Variants in PDE10A observed in about 807,000 individuals in gnomAD.
PDE10A encodes cAMP and cAMP-inhibited cGMP 3',5'-cyclic phosphodiesterase 10A.
A neutral mutation model predicts 97.7 loss-of-function variants in PDE10A; 39 were observed. That is an observed-to-expected ratio of 0.40 (90% CI 0.31 to 0.52). The LOEUF (loss-of-function observed/expected upper bound fraction) is 0.52. Ranked by LOEUF, PDE10A falls within the 20% of genes least tolerant of loss-of-function variation. The probability of loss-of-function intolerance (pLI) is 0.56; values close to 1 mark genes in which losing one functional copy is unlikely to be tolerated. For synonymous variants in PDE10A, 371 were observed against 376.8 expected (o/e 0.98, Z 0.18); for missense variants, 731 against 1,047.8 (o/e 0.70, Z 4.17).
intron 1 of PDE10A, among the ~76,000 whole-genome samples, chr6:165,896,326 A>G (rs1353250245): frequency 6.6e-6 from 1 of 151,434 alleles, no homozygotes; most frequent in African/African-American, 2.4e-5. Context: ...CACCTAGCAC[A>G]CTGCTTTATA....
At chr6:165,373,142 G>A in intron 18 of PDE10A, among the ~76,000 whole-genome samples, 2 of 150,880 alleles carry the variant, frequency 1.3e-5, no homozygotes, top group African/African-American at 4.9e-5. Context: ...GAAAACCTAG[G>A]CATTACCATT....
At chr6:165,688,053 C>G (rs1791170238) in intron 1 of PDE10A, among the ~76,000 whole-genome samples, 1 of 152,214 alleles carries the variant, frequency 6.6e-6, no homozygotes, top group Non-Finnish European at 1.5e-5. Context: ...ATGGAGGGAC[C>G]ACGTGGTGTT....
intron 3 of PDE10A, among the ~76,000 whole-genome samples, chr6:165,480,678 T>C (rs1779554582): frequency 1.3e-5 from 2 of 152,302 alleles, no homozygotes; most frequent in Non-Finnish European, 1.5e-5. Flanking sequence ...CCAGCACCTT[T>C]AGTGGAACTA....
intron 13 of PDE10A, among the ~76,000 whole-genome samples, chr6:165,408,213 G>A (rs1205387143): frequency 1.3e-5 from 2 of 152,064 alleles, no homozygotes; most frequent in Non-Finnish European, 2.9e-5. Flanking sequence ...TGACAATAAC[G>A]GTCAACAATT....
intron 3 of PDE10A, among the ~76,000 whole-genome samples, chr6:165,464,014 C>A (rs2128262298): frequency 6.6e-6 from 1 of 152,302 alleles, no homozygotes; most frequent in South Asian, 2.1e-4. Context: ...TAATGACTGG[C>A]TTGCTGTTAA....
intron 2 of PDE10A, among the ~76,000 whole-genome samples, chr6:165,498,904 T>A (rs1435277420): frequency 6.6e-6 from 1 of 152,160 alleles, no homozygotes; most frequent in Admixed American, 6.5e-5. Flanking sequence ...AAGGAAAAAT[T>A]AAAATAGCAG....
intron 18 of PDE10A, among the ~76,000 whole-genome samples, chr6:165,373,554 T>C (rs1296469565): frequency 6.6e-6 from 1 of 152,180 alleles, no homozygotes; most frequent in African/African-American, 2.4e-5. Context: ...CCAGTTAGAA[T>C]GGCAATCATC....
intron 1 of PDE10A, among the ~76,000 whole-genome samples, chr6:165,623,508 GA>G (rs66934063): frequency 5.9e-5 from 9 of 151,318 alleles, no homozygotes; most frequent in Admixed American, 2.0e-4. Flanking sequence ...GAGAGAGAGA[GA>G]AAAAAAACAG....
rs184597294 is a variant in PDE10A at position 165,790,871 on chromosome 6, G to T, written c.-615+196658C>A. Among the ~76,000 whole-genome samples the T allele has an allele frequency of 2.0e-5, 3 of 152,280 alleles. No homozygotes were observed. In the East Asian group the frequency reaches 5.8e-4, roughly 29 times the overall value. On this transcript the variant is annotated intron_variant, in intron 1 of 19. Coordinates refer to the PDE10A transcript ENST00000366882. ...TTTGATTGACGAGAGTACTTAATGTGTGATCTACCCTCTTAACATTTTAAG... is the reference window on the plus strand; with the variant it reads ...TTTGATTGACGAGAGTACTTAATGTTTGATCTACCCTCTTAACATTTTAAG...
rs1281943266 is a variant in PDE10A at position 165,943,214 on chromosome 6, AGAAAGAAAGAAAGAAAGAAAGAAG to A, written c.-615+44291_-615+44314del. ...AAGAAAGAAAGAAAGAAAGAAAGAA[AGAAAGAAAGAAAGAAAGAAAGAAG>A]GAAGGAAGGAAGGAAGGAAGGAAGG... On this transcript the variant is annotated intron_variant, in intron 1 of 19. Transcript: ENST00000366882. Among the ~76,000 whole-genome samples, 228 of 85,596 alleles carry A rather than the reference AGAAAGAAAGAAAGAAAGAAAGAAG, an allele frequency of 2.7e-3. 1 individual carries two copies. The highest frequency in any genetic ancestry group is 3.6e-3 in the Non-Finnish European group (150 of 41,448). The allele number at this position is 85,596 out of a possible 152,430, so 56.2% of individuals were successfully genotyped here. A position where few individuals can be genotyped will look rare whatever the true frequency, so the allele number is the denominator to read the frequency against.
At chr6:165,684,318 G>A (rs1439937185) in intron 1 of PDE10A, among the ~76,000 whole-genome samples, 1 of 152,180 alleles carries the variant, frequency 6.6e-6, no homozygotes, top group Non-Finnish European at 1.5e-5. Context: ...ATCAATAATT[G>A]TTCCAAAAAT....
intron 1 of PDE10A, among the ~76,000 whole-genome samples, chr6:165,736,373 G>T (rs1217937937): frequency 6.6e-6 from 1 of 152,136 alleles, no homozygotes; most frequent in Non-Finnish European, 1.5e-5. Flanking sequence ...AAGTAGAGAT[G>T]CATTAAAGAG....
chr6:165,388,200 T>TAAA lies in PDE10A; in HGVS notation c.2610+97_2610+98insTTT. 9.5e-7 allele frequency: 1 copy of TAAA among 1,053,896 alleles called. No homozygotes were observed. The highest frequency in any genetic ancestry group is 1.5e-5 in the South Asian group (1 of 67,008). The allele number at this position is 1,053,896 out of a possible 1,614,324, so 65.3% of individuals were successfully genotyped here. On this transcript the variant is annotated intron_variant, in intron 17 of 21. Transcript: ENST00000539869. This position sits in a 1 kb window ranked among gnomAD's most constrained non-coding sequence, Gnocchi z 4.0. ...TACAATAAAAAGTAGCTGTTGCTTT[T>TAAA]AAGGAAGCCATAATGATCTTCCTTT...
At chr6:165,540,251 AAT>A (rs1783349169) in intron 2 of PDE10A, among the ~76,000 whole-genome samples, 1 of 152,174 alleles carries the variant, frequency 6.6e-6, no homozygotes, top group Admixed American at 6.5e-5. Flanking sequence ...AGTTTAGCCA[AAT>A]ATAAATCCTT....
intron 1 of PDE10A, among the ~76,000 whole-genome samples, chr6:165,915,177 T>C (rs1204186515): frequency 6.6e-6 from 1 of 152,078 alleles, no homozygotes; most frequent in Non-Finnish European, 1.5e-5. Flanking sequence ...TCAAACTGCT[T>C]GTGTACAACT....
At chr6:165,516,604 T>C (rs770034562) in intron 2 of PDE10A, among the ~76,000 whole-genome samples, 4 of 152,170 alleles carry the variant, frequency 2.6e-5, no homozygotes, top group South Asian at 2.1e-4. Flanking sequence ...GGACAAATTA[T>C]AAGCAGCCTT....
chr6:165,960,720 T>C (rs1296992787), intron 1 of PDE10A, among the ~76,000 whole-genome samples: 3 of 152,156 alleles, frequency 2.0e-5, no homozygotes, highest in Non-Finnish European at 4.4e-5. Context: ...GGCGCTAGAA[T>C]CGCCAGTGAC....
chr6:165,427,566 TTGA>T (rs1789253788), intron 10 of PDE10A, among the ~76,000 whole-genome samples: 1 of 152,136 alleles, frequency 6.6e-6, no homozygotes, highest in African/African-American at 2.4e-5. Flanking sequence ...CTAAAATTGA[TTGA>T]TGATAGTTGC....
intron 1 of PDE10A, among the ~76,000 whole-genome samples, chr6:165,765,715 G>C (rs1178838004): frequency 6.6e-6 from 1 of 152,154 alleles, no homozygotes; most frequent in East Asian, 1.9e-4. Flanking sequence ...GCCTTGGCCA[G>C]CCCAGAAAGG....
Sources: allele counts gnomAD v4.1 joint callset (sites outside exome capture counted in the v4.1 genomes callset), GRCh38; gene constraint gnomAD v4.1.1; non-coding constraint Gnocchi (gnomAD v3.1); transcripts MANE v1.5; gene names NCBI Gene and HGNC (gene_info 2026-07-23, HGNC 2026-07-21).